The following UBXN2B variants were observed in gnomAD, a reference collection of about 807,000 sequenced individuals.
UBXN2B encodes UBX domain protein 2B.
In UBXN2B, 19 loss-of-function variants were observed where a neutral mutation model predicts 37.5. That is an observed-to-expected ratio of 0.51 (90% CI 0.35 to 0.74). The LOEUF is 0.74. UBXN2B is among the 30% of genes least tolerant of loss of function. The pLI is 0.01. For synonymous variants in UBXN2B, 145 were observed against 143.8 expected (o/e 1.01, Z -0.06); for missense variants, 370 against 393.2 (o/e 0.94, Z 0.50).
In UBXN2B at chr8:58,448,036, C is replaced by T. The variant is rs1280879507; in HGVS notation, c.*485C>T. The T allele has an allele frequency of 6.6e-6, 1 of 152,248 alleles. No homozygotes were observed. The highest frequency in any genetic ancestry group is 2.4e-5 in the African/African-American group (1 of 41,400). 9.4% of individuals were successfully genotyped at this position (152,248 alleles called of 1,614,324 possible). A position where few individuals can be genotyped will look rare whatever the true frequency, so the allele number is the denominator to read the frequency against. On this transcript the variant is annotated 3_prime_UTR_variant, in exon 8 of 8. Transcript: ENST00000399598. ...GTTTGATCATACAATAATTATTTCTCCTATTAAGATTTTACACATCCTTTT... is the reference window on the plus strand; with the variant it reads ...GTTTGATCATACAATAATTATTTCTTCTATTAAGATTTTACACATCCTTTT...
At chr8:58,438,824 A>G (rs1808479381) in intron 5 of UBXN2B, among the ~76,000 whole-genome samples, 2 of 152,046 alleles carry the variant, frequency 1.3e-5, no homozygotes, top group South Asian at 2.1e-4. Context: ...CCAGTGGTGG[A>G]ATGATATGGT....
At chr8:58,442,198 G>A (rs1482325294) in intron 6 of UBXN2B, among the ~76,000 whole-genome samples, 1 of 152,160 alleles carries the variant, frequency 6.6e-6, no homozygotes, top group Non-Finnish European at 1.5e-5. Context: ...AGAGAGTCTG[G>A]GAGATGGAGT....
chr8:58,443,736 A>G (rs1808607329), intron 6 of UBXN2B, among the ~76,000 whole-genome samples: 2 of 152,094 alleles, frequency 1.3e-5, no homozygotes, highest in South Asian at 4.1e-4. Context: ...TGAACTCAGG[A>G]GGCAGAGGTT....
chr8:58,430,556 A>G lies in UBXN2B; in HGVS notation c.226A>G (p.Ile76Val). The G allele has an allele frequency of 6.2e-7, 1 of 1,604,154 alleles. No individual in the cohort carries two copies. The highest frequency in any genetic ancestry group is 1.1e-5 in the South Asian group (1 of 89,590). ...TGAACATGAATACAGTGGATTAAAT[A>G]TAGTTCGACCTTCAACTGGGAAAAT... ...SSEHEYSGLN[I>V]VRPSTGKIVN... is the part of the protein sequence containing the mutation. Residue 76 changes from isoleucine (I) to valine (V), a missense_variant, in exon 3 of 8, where the codon ATA becomes GTA. Coordinates refer to ENST00000399598, the MANE Select transcript of UBXN2B (RefSeq NM_001077619.2).
At chr8:58,413,160 T>A (rs1449536860) in intron 1 of UBXN2B, 1 of 152,320 alleles carries the variant, frequency 6.6e-6, no homozygotes, top group East Asian at 1.9e-4. Flanking sequence ...ATTTCCACCC[T>A]AAGTTATGAT....
At chr8:58,433,377 GAT>G in intron 4 of UBXN2B, 134 bp downstream of exon 4, 2 of 635,474 alleles carry the variant, frequency 3.1e-6, no homozygotes, top group South Asian at 4.6e-5. Context: ...AAGGACCAAT[GAT>G]GTGTGAGTTT....
At chr8:58,425,431 A>G in intron 2 of UBXN2B, 1 of 1,139,520 alleles carries the variant, frequency 8.8e-7, no homozygotes. Flanking sequence ...CTTGGTTTCA[A>G]ATTTGGGCAT....
intron 7 of UBXN2B, among the ~76,000 whole-genome samples, chr8:58,446,316 A>C (rs1329182209): frequency 6.6e-6 from 1 of 152,248 alleles, no homozygotes; most frequent in Non-Finnish European, 1.5e-5. Context: ...TCACACAAAA[A>C]TAAATTAAGA....
chr8:58,427,327 G>T (rs7822723), intron 2 of UBXN2B, among the ~76,000 whole-genome samples: 4,148 of 152,272 alleles, frequency 0.027, 210 homozygotes, highest in East Asian at 0.23. Context: ...GCCAAGCGTG[G>T]TGGTGCACGC....
chr8:58,447,479 G>GCTAA lies in UBXN2B; in HGVS notation c.926_929dup (p.Asp311AsnfsTer3), dbSNP rs1226825697. 1 of 1,613,420 alleles carries GCTAA rather than the reference G, an allele frequency of 6.2e-7. No homozygotes were observed. On this transcript the variant is annotated frameshift_variant, in exon 8 of 8. Transcript: ENST00000399598. LOFTEE classifies it high-confidence loss of function. ...TTGTGACTTCATTTCCGAATAAAGA[G>GCTAA]CTAACAGATGAAAGCCTGACACTGC...
At chr8:58,425,684 TCTG>T in intron 2 of UBXN2B, 1 of 1,165,492 alleles carries the variant, frequency 8.6e-7, no homozygotes, top group Non-Finnish European at 1.3e-6. Context: ...GTTCTCGAAT[TCTG>T]CTATTTCAGC....
At chr8:58,423,433 TTG>T (rs1469871582) in intron 2 of UBXN2B, among the ~76,000 whole-genome samples, 14 of 150,592 alleles carry the variant, frequency 9.3e-5, no homozygotes, top group Middle Eastern at 3.4e-3. Context: ...GGTTTTTTTT[TTG>T]TTGTTGTTTT....
intron 6 of UBXN2B, 82 bp from the exon 7 acceptor site, chr8:58,445,825 C>T: frequency 1.2e-5 from 15 of 1,218,926 alleles, no homozygotes; most frequent in African/African-American, 1.6e-5. Context: ...TCAAATGAAG[C>T]CATGTTCTAA....
chr8:58,424,365 C>CT (rs993506916), intron 2 of UBXN2B, among the ~76,000 whole-genome samples: 1 of 152,112 alleles, frequency 6.6e-6, no homozygotes, highest in African/African-American at 2.4e-5. Context: ...ATGATTTCTT[C>CT]TTATCTGAGG....
chr8:58,426,714 G>A, intron 2 of UBXN2B: 6 of 685,920 alleles, frequency 8.7e-6, no homozygotes, highest in Non-Finnish European at 1.6e-5. Context: ...CTCCGTGACA[G>A]ACCCGTTCCT....
chr8:58,442,220 T>C (rs1808566972), intron 6 of UBXN2B, among the ~76,000 whole-genome samples: 1 of 152,184 alleles, frequency 6.6e-6, no homozygotes, highest in Non-Finnish European at 1.5e-5. Flanking sequence ...TTTAGAATTT[T>C]CAGCTTCTAG....
In UBXN2B at chr8:58,438,584, T is replaced by A. The variant is rs1220827051; in HGVS notation, c.534-1049T>A. ...CCTGTTGCCTCTTTCTTTTGGCAGA[T>A]CTCTCTTTTGGAATGGGAATGTTTA... On this transcript the variant is annotated intron_variant, in intron 5 of 7. Coordinates refer to ENST00000399598, the MANE Select transcript of UBXN2B (RefSeq NM_001077619.2). Among the ~76,000 whole-genome samples, 8 of 152,230 alleles carry A rather than the reference T, an allele frequency of 5.3e-5. No individual in the cohort carries two copies. In the South Asian group the frequency reaches 8.3e-4, roughly 16 times the overall value.
intron 3 of UBXN2B, among the ~76,000 whole-genome samples, chr8:58,432,261 G>A (rs1199409604): frequency 2.0e-5 from 3 of 151,574 alleles, no homozygotes; most frequent in African/African-American, 7.3e-5. Context: ...TATATAAGGT[G>A]TGAGGTTGAC....
intron 3 of UBXN2B, 80 bp from the exon 4 acceptor site, chr8:58,433,080 A>T: frequency 8.6e-7 from 1 of 1,163,688 alleles, no homozygotes; most frequent in Non-Finnish European, 1.3e-6. Context: ...GAATTAATCT[A>T]GTTTTAAAAT....
Sources: gnomAD v4.1 joint callset for allele counts (sites outside exome capture counted in the v4.1 genomes callset) on GRCh38, gnomAD v4.1.1 for gene constraint, MANE v1.5 for transcripts, NCBI Gene and HGNC (gene_info 2026-07-23, HGNC 2026-07-21) for gene names.